Variants in ELF1 observed in about 807,000 individuals in gnomAD.
ELF1 encodes the protein ETS-related transcription factor Elf-1.
In ELF1, 24 loss-of-function variants were observed where a neutral mutation model predicts 59.9. That is an observed-to-expected ratio of 0.40 (90% CI 0.29 to 0.56). The LOEUF is 0.56. ELF1 is among the 20% of genes least tolerant of loss of function. ELF1 has a pLI of 0.44. For missense variants in ELF1, 627 were observed against 742.2 expected (o/e 0.84, Z 1.80); for synonymous variants, 248 against 266.2 (o/e 0.93, Z 0.67).
intron 1 of ELF1, among the ~76,000 whole-genome samples, chr13:40,994,645 A>G (rs923806237): frequency 1.1e-4 from 16 of 152,196 alleles, no homozygotes; most frequent in African/African-American, 3.9e-4. Context: ...TCAGTCTCAA[A>G]AAGAAAGAAA....
chr13:40,960,546 G>C (rs976598788), intron 2 of ELF1, among the ~76,000 whole-genome samples: 2 of 152,180 alleles, frequency 1.3e-5, no homozygotes, highest in Non-Finnish European at 2.9e-5. Flanking sequence ...TATCATGTCA[G>C]GGGGTCCAAA....
At chr13:40,984,239 A>C (rs1314831418) in intron 1 of ELF1, among the ~76,000 whole-genome samples, 1 of 152,166 alleles carries the variant, frequency 6.6e-6, no homozygotes, top group African/African-American at 2.4e-5. Context: ...TGATGACAAA[A>C]AGGATTATAT....
intron 2 of ELF1, among the ~76,000 whole-genome samples, chr13:40,969,271 T>C (rs929468506): frequency 1.3e-5 from 2 of 152,220 alleles, no homozygotes; most frequent in African/African-American, 4.8e-5. Flanking sequence ...TCTTCCATAT[T>C]CTCTTTTTCC....
chr13:41,060,896 C>T lies in ELF1; in HGVS notation c.-287G>A, dbSNP rs966000800. The T allele has an allele frequency of 5.8e-5, 20 of 344,348 alleles. 1 individual carries two copies. The highest frequency in any genetic ancestry group is 2.8e-4 in the African/African-American group (11 of 39,638). 21.3% of individuals were successfully genotyped at this position (344,348 alleles called of 1,614,324 possible). ...GCACCTCTCGCCACCGCCGCCTCTG[C>T]GCTACTGAAGCTGCTGCTGCCGCCG... On this transcript the variant is annotated 5_prime_UTR_variant, in exon 1 of 2. Transcript: ENST00000405737.
chr13:40,951,553 A>G, intron 3 of ELF1, 117 bp from the exon 4 acceptor site: 1 of 629,760 alleles, frequency 1.6e-6, no homozygotes, highest in Non-Finnish European at 2.5e-6. Flanking sequence ...GTTTATATAT[A>G]TATATAAACT....
chr13:40,984,349 G>A (rs1245435872), intron 1 of ELF1, among the ~76,000 whole-genome samples: 2 of 152,042 alleles, frequency 1.3e-5, no homozygotes, highest in African/African-American at 4.8e-5. Context: ...GGAGTCACTT[G>A]AGACTACACA....
intron 1 of ELF1, among the ~76,000 whole-genome samples, chr13:40,984,318 T>C (rs1458411658): frequency 6.6e-6 from 1 of 152,216 alleles, no homozygotes; most frequent in African/African-American, 2.4e-5. Flanking sequence ...AACACCAGCA[T>C]TTTAGCAGGC....
intron 1 of ELF1, among the ~76,000 whole-genome samples, chr13:41,009,806 AT>A (rs1340417150): frequency 1.3e-5 from 2 of 151,980 alleles, no homozygotes. Context: ...GAAAGCTTGC[AT>A]TTTTTTAAAC....
intron 8 of ELF1, among the ~76,000 whole-genome samples, chr13:40,937,610 C>G (rs1355187957): frequency 6.6e-6 from 1 of 151,832 alleles, no homozygotes; most frequent in African/African-American, 2.4e-5. Flanking sequence ...GCTGGGATTA[C>G]AGGCGCCCGC....
intron 2 of ELF1, among the ~76,000 whole-genome samples, chr13:40,968,506 A>G (rs1231368288): frequency 1.3e-5 from 2 of 152,196 alleles, no homozygotes; most frequent in Non-Finnish European, 2.9e-5. Flanking sequence ...TACTATTTCT[A>G]AATTCCAAAG....
At chr13:41,060,736 C>G (rs1001161854) in intron 1 of ELF1, 2 of 166,414 alleles carry the variant, frequency 1.2e-5, no homozygotes, top group Admixed American at 6.4e-5. Context: ...AATAAGGAAG[C>G]GTTCCCATAC....
intron 8 of ELF1, among the ~76,000 whole-genome samples, chr13:40,936,784 A>G (rs1424042203): frequency 6.6e-6 from 1 of 150,718 alleles, no homozygotes; most frequent in African/African-American, 2.5e-5. Flanking sequence ...AAAAGAAAAA[A>G]AAGAAAAAAA....
intron 1 of ELF1, among the ~76,000 whole-genome samples, chr13:41,025,282 C>T (rs552185000): frequency 6.6e-6 from 1 of 152,284 alleles, no homozygotes; most frequent in Admixed American, 6.5e-5. Flanking sequence ...CTATCCTATG[C>T]CCGACCTCTG....
chr13:41,038,709 C>T (rs768077381), intron 1 of ELF1, among the ~76,000 whole-genome samples: 1 of 152,038 alleles, frequency 6.6e-6, no homozygotes, highest in South Asian at 2.1e-4. Context: ...AACATTTATA[C>T]ACTAATTGAT....
At chr13:40,976,263 A>C (rs1872898159) in intron 2 of ELF1, among the ~76,000 whole-genome samples, 1 of 152,202 alleles carries the variant, frequency 6.6e-6, no homozygotes, top group Non-Finnish European at 1.5e-5. Context: ...GTTTGGACTG[A>C]TAATGAAGTC....
At chr13:40,956,734 C>G (rs1422269363) in intron 3 of ELF1, among the ~76,000 whole-genome samples, 1 of 150,498 alleles carries the variant, frequency 6.6e-6, no homozygotes, top group African/African-American at 2.4e-5. Flanking sequence ...CTCTCATTGC[C>G]CAGGCTGGAG....
chr13:41,016,474 A>G (rs1313586591), intron 1 of ELF1, among the ~76,000 whole-genome samples: 6 of 152,200 alleles, frequency 3.9e-5, no homozygotes, highest in Non-Finnish European at 7.3e-5. Context: ...TGAGATTACT[A>G]TCTTATAATA....
At chr13:41,003,220 C>T (rs535284850) in intron 1 of ELF1, among the ~76,000 whole-genome samples, 1 of 152,180 alleles carries the variant, frequency 6.6e-6, no homozygotes, top group East Asian at 1.9e-4. Flanking sequence ...ATCAACACCC[C>T]CCAACAAAGA....
At chr13:41,021,640 C>A (rs993800358), upstream of ELF1, among the ~76,000 whole-genome samples, 6 of 152,186 alleles carry the variant, frequency 3.9e-5, no homozygotes, top group Admixed American at 2.0e-4. Flanking sequence ...ATTTATCTAT[C>A]ATTTAGCCTA....
Sources: gnomAD v4.1 joint callset for allele counts (sites outside exome capture counted in the v4.1 genomes callset) on GRCh38, gnomAD v4.1.1 for gene constraint, MANE v1.5 for transcripts, NCBI Gene and HGNC (gene_info 2026-07-23, HGNC 2026-07-21) for gene names.